Variants in STAU2 observed in about 807,000 individuals in gnomAD.
STAU2 encodes double-stranded RNA-binding protein Staufen homolog 2.
In STAU2, 20 loss-of-function variants were observed where a neutral mutation model predicts 65.9. The ratio of observed to expected loss-of-function variants is 0.30; its 90% CI spans 0.21 to 0.44. The LOEUF (loss-of-function observed/expected upper bound fraction) is 0.44, where lower values mean the gene tolerates loss of function less well. Among genes scored for constraint, STAU2 ranks in the 20% least tolerant of loss-of-function variants. STAU2 has a pLI of 1.00. For synonymous variants in STAU2, 232 were observed against 233.9 expected (o/e 0.99, Z 0.07); for missense variants, 558 against 683.9 (o/e 0.82, Z 2.05).
intron 9 of STAU2, among the ~76,000 whole-genome samples, chr8:73,605,459 C>T (rs1811944329): frequency 6.6e-6 from 1 of 151,794 alleles, no homozygotes; most frequent in South Asian, 2.1e-4. Context: ...CAGGCGCACG[C>T]CACCATGCCT....
In STAU2 at chr8:73,579,282, A is replaced by C. The variant is rs75016364; in HGVS notation, c.1222+3488T>G. The stretch of plus-strand genomic sequence containing the variant: ...GCATATTTCACAGGGGCTAAATAAA[A>C]CTTTTTAAAAGGTTAACGGAAAAAT... On this transcript the variant is annotated intron_variant, in intron 12 of 14. Transcript: ENST00000524300. Among the ~76,000 whole-genome samples, 1,029 of 152,264 alleles carry C rather than the reference A, an allele frequency of 6.8e-3. 21 individuals carry two copies. Among genetic ancestry groups the C allele is most frequent in the African/African-American group, 0.024 (981 of 41,554 alleles).
At chr8:73,686,414 G>T (rs1431749970) in intron 5 of STAU2, among the ~76,000 whole-genome samples, 1 of 152,134 alleles carries the variant, frequency 6.6e-6, no homozygotes, top group Admixed American at 6.5e-5. Context: ...GTCAGGCGTG[G>T]TGGCACATGC....
intron 13 of STAU2, among the ~76,000 whole-genome samples, chr8:73,464,139 C>T (rs1327211952): frequency 6.6e-6 from 1 of 152,050 alleles, no homozygotes; most frequent in Non-Finnish European, 1.5e-5. Context: ...AAGTAAAGGG[C>T]CCTGTTTTTT....
At chr8:73,503,640 T>C (rs899227291) in intron 13 of STAU2, among the ~76,000 whole-genome samples, 2 of 152,112 alleles carry the variant, frequency 1.3e-5, no homozygotes, top group African/African-American at 2.4e-5. Context: ...TAGCTGCTTT[T>C]TAAAATTAGA....
At chr8:73,424,734 A>G (rs548541492) in intron 13 of STAU2, among the ~76,000 whole-genome samples, 15 of 151,460 alleles carry the variant, frequency 9.9e-5, no homozygotes, top group African/African-American at 3.4e-4. Context: ...TTGCTTTTCT[A>G]TTGTTGCTTT....
chr8:73,491,876 A>G (rs1821169545), intron 13 of STAU2, among the ~76,000 whole-genome samples: 1 of 151,996 alleles, frequency 6.6e-6, no homozygotes. Flanking sequence ...CTTATCCTTA[A>G]GAAATAAATG....
chr8:73,667,738 G>A (rs907688497), intron 6 of STAU2, among the ~76,000 whole-genome samples: 3 of 152,100 alleles, frequency 2.0e-5, no homozygotes, highest in African/African-American at 7.2e-5. Flanking sequence ...ACAACATGTG[G>A]CAATGAGTAG....
At chr8:73,539,237 A>G (rs113926085) in intron 13 of STAU2, among the ~76,000 whole-genome samples, 5,414 of 152,330 alleles carry the variant, frequency 0.036, 269 homozygotes, top group Admixed American at 0.13. Flanking sequence ...TACTTGCCAT[A>G]GAATAAACAG....
intron 12 of STAU2, among the ~76,000 whole-genome samples, chr8:73,578,138 A>T (rs77078090): frequency 0.041 from 6,187 of 152,124 alleles, 378 homozygotes; most frequent in African/African-American, 0.13. Context: ...TTCCATTTTT[A>T]AAAAAAATGT....
chr8:73,615,937 G>T, intron 7 of STAU2, 155 bp from the exon 8 acceptor site: 1 of 524,632 alleles, frequency 1.9e-6, no homozygotes, highest in Non-Finnish European at 3.3e-6. Flanking sequence ...AGCGGTCAAG[G>T]GCTTTGCTGC....
chr8:73,607,043 T>C (rs1385083145), intron 9 of STAU2, among the ~76,000 whole-genome samples: 1 of 152,112 alleles, frequency 6.6e-6, no homozygotes, highest in Non-Finnish European at 1.5e-5. Flanking sequence ...CTGGGAGGAA[T>C]GGATGGGTTC....
rs1469746751 is a variant in STAU2 at position 73,421,382 on chromosome 8, G to A, written c.1703C>T (p.Ser568Leu). 5.2e-6 allele frequency: 8 copies of A among 1,537,148 alleles called. No individual in the cohort carries two copies. In the East Asian group the frequency reaches 7.3e-5, roughly 14 times the overall value. The part of the protein sequence containing the change: ...SIAQDCKKSN[S>L]AV ...GGGTTCTGGGAGCTGCTAGACGGCC[G>A]AGTTTGATTTCTTGCAGTCCTGAGC... The change falls in exon 15 of 15, where the codon TCG becomes TTG. Residue 568 changes from serine (S) to leucine (L), a missense_variant. This residue lies in a region of STAU2 where 247 missense variants were observed against 270.1 expected (regional missense o/e 0.91). Transcript: ENST00000524300.
intron 13 of STAU2, among the ~76,000 whole-genome samples, chr8:73,445,963 A>G (rs1419391147): frequency 1.3e-5 from 2 of 152,212 alleles, no homozygotes; most frequent in East Asian, 3.8e-4. Flanking sequence ...CAACCTAGCT[A>G]TCATACTCCT....
At chr8:73,608,147 T>A (rs1381906113) in intron 9 of STAU2, among the ~76,000 whole-genome samples, 1 of 152,190 alleles carries the variant, frequency 6.6e-6, no homozygotes, top group Non-Finnish European at 1.5e-5. Context: ...CATGATATGA[T>A]TAGACAGGTG....
intron 11 of STAU2, among the ~76,000 whole-genome samples, chr8:73,585,862 G>A (rs1810330632): frequency 6.6e-6 from 1 of 152,210 alleles, no homozygotes; most frequent in African/African-American, 2.4e-5. Flanking sequence ...CAAGTGGGTG[G>A]TTCCCTCATG....
chr8:73,558,108 T>C (rs1047070551), intron 12 of STAU2, among the ~76,000 whole-genome samples: 1 of 152,236 alleles, frequency 6.6e-6, no homozygotes, highest in Non-Finnish European at 1.5e-5. Flanking sequence ...CCTCTAGAGT[T>C]TGAATACTTA....
In STAU2 at chr8:73,617,293, T is replaced by C. The variant is rs1812899541; in HGVS notation, c.569A>G (p.Gln190Arg). Residue 190 changes from glutamine (Q) to arginine (R), a missense_variant and splice_region_variant, in exon 7 of 15, where the codon CAG (glutamine) becomes CGG (arginine). By Grantham distance (43) the Gln-to-Arg change is conservative. Coordinates refer to ENST00000524300, the MANE Select transcript of STAU2 (RefSeq NM_001164380.2). ...QNEPIPERSP[Q>R]NGESGKDVDD... ...CTGTCACATGCAGCAGCACCACACC[T>C]GAGGAGATCTTTCTGGAATAGGTTC... The C allele has an allele frequency of 6.2e-7, 1 of 1,613,806 alleles. No homozygotes were observed. Among genetic ancestry groups the C allele is most frequent in the Admixed American group, 1.7e-5 (1 of 59,984 alleles).
At chr8:73,733,954 T>A (rs10808797) in intron 3 of STAU2, among the ~76,000 whole-genome samples, 49,407 of 151,888 alleles carry the variant, frequency 0.33, 9,448 homozygotes, top group African/African-American at 0.52. Flanking sequence ...GATATACATT[T>A]AAAAAATTTA....
At chr8:73,570,502 C>T (rs202152537) in intron 12 of STAU2, among the ~76,000 whole-genome samples, 10 of 152,000 alleles carry the variant, frequency 6.6e-5, no homozygotes, top group Non-Finnish European at 1.0e-4. Flanking sequence ...ACGGGAAGAA[C>T]GGAACCAAGT....
Sources: allele counts gnomAD v4.1 joint callset (sites outside exome capture counted in the v4.1 genomes callset), GRCh38; gene constraint gnomAD v4.1.1; regional missense constraint gnomAD v4.1.1; transcripts MANE v1.5; gene names NCBI Gene and HGNC (gene_info 2026-07-23, HGNC 2026-07-21).